CCDC93: variants seen among roughly 807,000 people sequenced by gnomAD.
The protein encoded by CCDC93 is CCC complex scaffolding subunit CCDC93, also known as coiled-coil domain-containing protein 93.
CCDC93 carries 61 observed loss-of-function variants against 108.2 expected under a neutral mutation model. That is an observed-to-expected ratio of 0.56 (90% confidence interval 0.46 to 0.70). The LOEUF is 0.70. CCDC93 is among the 30% of genes least tolerant of loss of function. CCDC93 has a pLI of 0.00. For missense variants in CCDC93, 685 were observed against 764.2 expected, an observed-to-expected ratio of 0.90 and a Z score of 1.22; for synonymous variants, 276 against 260.4, an observed-to-expected ratio of 1.06 and a Z score of -0.58.
At chr2:117,956,053 A>C (rs1327499062) in intron 12 of CCDC93, among the ~76,000 whole-genome samples, 1 of 152,238 alleles carries the variant, frequency 6.6e-6, no homozygotes, top group African/African-American at 2.4e-5. Flanking sequence ...TGTTTAGTAT[A>C]TCTGCACACA....
intron 8 of CCDC93, 73 bp downstream of exon 8, chr2:117,977,921 A>C: frequency 7.2e-7 from 1 of 1,384,214 alleles, no homozygotes; most frequent in South Asian, 1.2e-5. Context: ...CCGGCTTGTG[A>C]GTGTTAGTCA....
chr2:118,008,916 C>T (rs764330474), intron 1 of CCDC93: 17 of 368,650 alleles, frequency 4.6e-5, no homozygotes, highest in Non-Finnish European at 7.9e-5. Flanking sequence ...GTAGTATATA[C>T]TACTCATCAC....
At chr2:117,975,728 G>T (rs1219914175) in intron 8 of CCDC93, among the ~76,000 whole-genome samples, 2 of 152,242 alleles carry the variant, frequency 1.3e-5, no homozygotes, top group Non-Finnish European at 2.9e-5. Flanking sequence ...TTGTAGTGAG[G>T]GGTTAGGTAC....
chr2:117,975,152 C>G, intron 9 of CCDC93, 36 bp downstream of exon 9: 1 of 1,556,892 alleles, frequency 6.4e-7, no homozygotes, highest in South Asian at 1.1e-5. Context: ...AAATGACTTA[C>G]ACAGAAACCT....
At chr2:117,940,148 G>C (rs1678651767) in intron 19 of CCDC93, among the ~76,000 whole-genome samples, 1 of 152,178 alleles carries the variant, frequency 6.6e-6, no homozygotes. Context: ...GCTTGAGTCA[G>C]AGAAGAAAGA....
chr2:117,930,924 T>C, intron 23 of CCDC93, 113 bp downstream of exon 23: 1 of 655,120 alleles, frequency 1.5e-6, no homozygotes, highest in East Asian at 2.6e-5. Context: ...TGTCTTGTTA[T>C]TTCCCTTCAC....
At position 117,974,830 on chromosome 2, in the gene CCDC93, C is replaced by T. The variant is rs1314853737; in HGVS notation, c.801+20G>A. 1.3e-6 allele frequency: 2 copies of T among 1,562,102 alleles called. No homozygotes were observed. The highest frequency in any genetic ancestry group is 2.7e-5 in the African/African-American group (2 of 73,726). On this transcript the variant is annotated intron_variant, in intron 10 of 23. Transcript: ENST00000376300. ...GTGGTGCCAAGTCCCCATCCCCACA[C>T]CTCCCCGACTCCCACTCACCTCCTC...
At chr2:117,958,322 A>T in intron 12 of CCDC93, 43 bp downstream of exon 12, 1 of 1,269,908 alleles carries the variant, frequency 7.9e-7, no homozygotes, top group Non-Finnish European at 1.2e-6. Flanking sequence ...TAACCAATCT[A>T]CCATGAAGAT....
At position 117,920,364 on chromosome 2, in the gene CCDC93, C is replaced by G. The variant is rs1677820376; in HGVS notation, c.1875G>C (p.Lys625Asn). 6.2e-7 allele frequency: 1 copy of G among 1,613,326 alleles called. No individual in the cohort carries two copies. Among genetic ancestry groups the G allele is most frequent in the African/African-American group, 1.3e-5 (1 of 74,936 alleles). ...ATGTTCAGGAGGCCTTCGCTTTCAC[C>G]TTGGACAGCAGCATCTCGTTCTTGC... The part of the protein sequence containing the change: ...EGRKNEMLLS[K>N]VKAKAS Residue 625 changes from lysine (K) to asparagine (N), a missense_variant, in exon 24 of 24, where the codon AAG (lysine) becomes AAC (asparagine). Physicochemically the swap from Lys to Asn is moderately conservative, Grantham distance 94. Transcript: ENST00000376300.
chr2:117,948,278 C>G, intron 14 of CCDC93, 92 bp from the exon 15 acceptor site: 3 of 832,784 alleles, frequency 3.6e-6, no homozygotes, highest in Non-Finnish European at 5.9e-6. Context: ...AAAAAGGACT[C>G]TCCTTTTAAT....
chr2:117,935,519 T>C lies in CCDC93; in HGVS notation c.1704A>G (p.Glu568=), dbSNP rs2104720932. The change falls in exon 22 of 24, where the codon GAA becomes GAG. Residue 568 remains glutamate, a synonymous_variant. Coordinates refer to ENST00000376300, the MANE Select transcript of CCDC93 (RefSeq NM_019044.5). ...CCTTCATTCTACTTTGCTTAATTCC[T>C]TCCACAATCTGTTCCATCTGACGTA... The part of the protein sequence containing the change: ...QFLRQMEQIV[E]GIKQSRMKME... 1 of 1,613,812 alleles carries C rather than the reference T, an allele frequency of 6.2e-7. No homozygotes were observed. The highest frequency in any genetic ancestry group is 8.5e-7 in the Non-Finnish European group (1 of 1,179,740).
At chr2:117,962,186 C>A (rs1370406613) in intron 11 of CCDC93, among the ~76,000 whole-genome samples, 1 of 152,188 alleles carries the variant, frequency 6.6e-6, no homozygotes, top group Non-Finnish European at 1.5e-5. Context: ...AGGTTATTTA[C>A]ACATCAACCT....
At chr2:117,922,494 C>A (rs1026965539) in intron 23 of CCDC93, among the ~76,000 whole-genome samples, 1 of 152,166 alleles carries the variant, frequency 6.6e-6, no homozygotes, top group African/African-American at 2.4e-5. Flanking sequence ...GGTTTGAATT[C>A]ATCAGTGCTA....
intron 11 of CCDC93, among the ~76,000 whole-genome samples, chr2:117,971,492 T>C (rs1048878215): frequency 3.3e-5 from 5 of 152,196 alleles, no homozygotes; most frequent in African/African-American, 1.2e-4. Flanking sequence ...AAGACTACAG[T>C]AATGAAAATA....
intron 23 of CCDC93, among the ~76,000 whole-genome samples, chr2:117,928,303 C>T (rs538208661): frequency 6.6e-6 from 1 of 152,136 alleles, no homozygotes; most frequent in Non-Finnish European, 1.5e-5. Context: ...GCAAAATAAA[C>T]TACCATAGGA....
intron 23 of CCDC93, among the ~76,000 whole-genome samples, chr2:117,925,278 C>T (rs535154779): frequency 1.3e-5 from 2 of 151,014 alleles, no homozygotes; most frequent in Non-Finnish European, 3.0e-5. Flanking sequence ...ACAATATTAA[C>T]CTTAAATGTA....
At chr2:117,947,332 C>A (rs1233146001) in intron 15 of CCDC93, among the ~76,000 whole-genome samples, 1 of 152,102 alleles carries the variant, frequency 6.6e-6, no homozygotes, top group Non-Finnish European at 1.5e-5. Flanking sequence ...GCTGAAGTGC[C>A]TTTTCCTCCC....
chr2:117,948,248 TA>T, intron 14 of CCDC93, 62 bp from the exon 15 acceptor site: 1 of 1,224,602 alleles, frequency 8.2e-7, no homozygotes. Flanking sequence ...GAATCGCAGC[TA>T]AAAGCAGGTC....
intron 23 of CCDC93, among the ~76,000 whole-genome samples, chr2:117,928,569 C>T (rs576767416): frequency 4.2e-3 from 636 of 152,306 alleles, no homozygotes; most frequent in South Asian, 0.011. Flanking sequence ...GATACCATCT[C>T]ACACCAGTTA....
Sources: allele counts gnomAD v4.1 joint callset (sites outside exome capture counted in the v4.1 genomes callset), GRCh38; gene constraint gnomAD v4.1.1; transcripts MANE v1.5; gene names NCBI Gene and HGNC (gene_info 2026-07-23, HGNC 2026-07-21).